The following LRRC4C variants were observed in gnomAD, a reference collection of about 807,000 sequenced individuals.
LRRC4C encodes the protein leucine-rich repeat-containing protein 4C.
LRRC4C carries 5 observed loss-of-function variants against 33.6 expected under a neutral mutation model. The ratio of observed to expected loss-of-function variants is 0.15; its 90% CI spans 0.08 to 0.31. LRRC4C has a LOEUF of 0.31. Among genes scored for constraint, LRRC4C ranks in the 10% least tolerant of loss-of-function variants. The probability of loss-of-function intolerance (pLI) is 1.00; values close to 1 mark genes in which losing one functional copy is unlikely to be tolerated. For synonymous variants in LRRC4C, 329 were observed against 302.0 expected (o/e 1.09, Z -0.93); for missense variants, 560 against 796.7 (o/e 0.70, Z 3.58).
intron 1 of LRRC4C, among the ~76,000 whole-genome samples, chr11:41,118,512 C>G (rs879278402): frequency 6.6e-6 from 1 of 152,204 alleles, no homozygotes; most frequent in African/African-American, 2.4e-5. Flanking sequence ...TGGTCACTGT[C>G]CATTCCTTTC....
intron 1 of LRRC4C, among the ~76,000 whole-genome samples, chr11:41,319,570 T>A (rs1411065850): frequency 1.3e-5 from 2 of 152,222 alleles, no homozygotes; most frequent in Non-Finnish European, 2.9e-5. Context: ...TGAGACAAGA[T>A]CTCACTCTGT....
At chr11:40,747,438 G>A (rs1565008132) in intron 2 of LRRC4C, among the ~76,000 whole-genome samples, 1 of 151,712 alleles carries the variant, frequency 6.6e-6, no homozygotes, top group African/African-American at 2.4e-5. Flanking sequence ...TTAAAAGATA[G>A]AAAAAAGCAA....
At chr11:40,801,219 T>C (rs531755676) in intron 2 of LRRC4C, among the ~76,000 whole-genome samples, 8 of 152,308 alleles carry the variant, frequency 5.3e-5, no homozygotes, top group African/African-American at 1.9e-4. Context: ...TGAGTCACTA[T>C]AAGCAATTTA....
intron 1 of LRRC4C, among the ~76,000 whole-genome samples, chr11:41,437,832 G>A (rs1283728112): frequency 6.6e-6 from 1 of 152,172 alleles, no homozygotes; most frequent in Non-Finnish European, 1.5e-5. Context: ...GAGGTCAGGA[G>A]TTTGAGACCA....
At chr11:40,703,345 C>T (rs1486143120) in intron 2 of LRRC4C, among the ~76,000 whole-genome samples, 2 of 152,104 alleles carry the variant, frequency 1.3e-5, no homozygotes. Context: ...ATTTTTCCAT[C>T]TACATAAAAA....
chr11:40,352,456 AATTTT>A (rs1047535539), intron 3 of LRRC4C, among the ~76,000 whole-genome samples: 2 of 151,630 alleles, frequency 1.3e-5, no homozygotes, highest in African/African-American at 4.8e-5. Flanking sequence ...CTTCTTTTTA[AATTTT>A]ATTTTATTAT....
chr11:41,086,386 C>T (rs994477206), intron 1 of LRRC4C, among the ~76,000 whole-genome samples: 5 of 152,032 alleles, frequency 3.3e-5, no homozygotes, highest in East Asian at 1.9e-4. Flanking sequence ...TTAATAAAAG[C>T]ACTTGTGCAA....
chr11:41,158,163 G>C (rs1944314994), intron 1 of LRRC4C, among the ~76,000 whole-genome samples: 1 of 151,936 alleles, frequency 6.6e-6, no homozygotes, highest in African/African-American at 2.4e-5. Flanking sequence ...CCATTTTATA[G>C]TTGAGAAAAA....
intron 2 of LRRC4C, among the ~76,000 whole-genome samples, chr11:40,808,405 A>C (rs1238083349): frequency 1.3e-5 from 2 of 152,104 alleles, no homozygotes; most frequent in East Asian, 3.8e-4. Context: ...TATACCTATT[A>C]CTCAAGTCAG....
intron 3 of LRRC4C, among the ~76,000 whole-genome samples, chr11:40,507,426 C>CT (rs200238552): frequency 0.019 from 2,905 of 151,922 alleles, 36 homozygotes; most frequent in Non-Finnish European, 0.029. Context: ...CAAATTAAAA[C>CT]TTTTTTTTAA....
At position 40,749,307 on chromosome 11, in the gene LRRC4C, C is replaced by T. The variant is rs1406530254; in HGVS notation, c.-406-101029G>A. ...ACAATGGAATAAAATGAGATTAATA[C>T]CAAGAGGCATTTTGGAAATGATACA... On this transcript the variant is annotated intron_variant, in intron 2 of 6. Coordinates refer to ENST00000528697, the MANE Select transcript of LRRC4C (RefSeq NM_001258419.2). Among the ~76,000 whole-genome samples the T allele has an allele frequency of 2.6e-5, 4 of 151,694 alleles. No homozygotes were observed. In the East Asian group the frequency reaches 7.7e-4, roughly 29 times the overall value.
intron 4 of LRRC4C, among the ~76,000 whole-genome samples, chr11:40,249,037 T>C (rs941616916): frequency 4.6e-5 from 7 of 151,980 alleles, no homozygotes; most frequent in Non-Finnish European, 1.5e-5. Context: ...CAGCAAGCAA[T>C]TATAATCTCT....
intron 5 of LRRC4C, among the ~76,000 whole-genome samples, chr11:40,183,990 AG>A (rs1565102218): frequency 6.6e-6 from 1 of 152,280 alleles, no homozygotes; most frequent in Non-Finnish European, 1.5e-5. Context: ...CTTAGAGTTA[AG>A]AATAGAACTG....
intron 2 of LRRC4C, among the ~76,000 whole-genome samples, chr11:40,767,050 A>G (rs1949508242): frequency 6.6e-6 from 1 of 151,998 alleles, no homozygotes; most frequent in South Asian, 2.1e-4. Flanking sequence ...AAAAAAGAAA[A>G]CAAGAATCTA....
intron 5 of LRRC4C, among the ~76,000 whole-genome samples, chr11:40,234,762 C>T (rs1246990180): frequency 6.6e-6 from 1 of 152,168 alleles, no homozygotes; most frequent in Non-Finnish European, 1.5e-5. Context: ...CAGAGAGAAA[C>T]CCTGTCTTAA....
intron 4 of LRRC4C, among the ~76,000 whole-genome samples, chr11:40,306,213 T>A (rs981117589): frequency 6.6e-6 from 1 of 152,226 alleles, no homozygotes; most frequent in South Asian, 2.1e-4. Flanking sequence ...ATCTTTCCTA[T>A]AAAGATTTAG....
At chr11:40,431,325 G>A (rs1394861199) in intron 3 of LRRC4C, among the ~76,000 whole-genome samples, 1 of 148,458 alleles carries the variant, frequency 6.7e-6, no homozygotes, top group Non-Finnish European at 1.5e-5. Context: ...TACTCAGGAG[G>A]CAGAGGTTGC....
intron 3 of LRRC4C, among the ~76,000 whole-genome samples, chr11:40,608,232 G>C (rs1001966697): frequency 6.6e-6 from 1 of 152,044 alleles, no homozygotes; most frequent in Non-Finnish European, 1.5e-5. Flanking sequence ...GCTGTAATTC[G>C]TGACATTAAT....
At chr11:41,233,967 CTTT>C (rs34427207) in intron 1 of LRRC4C, among the ~76,000 whole-genome samples, 48 of 140,350 alleles carry the variant, frequency 3.4e-4, no homozygotes, top group African/African-American at 1.2e-3. Context: ...TCTCCAAAAG[CTTT>C]TTTTTTTTTT....
Sources: allele counts gnomAD v4.1 joint callset (sites outside exome capture counted in the v4.1 genomes callset), GRCh38; gene constraint gnomAD v4.1.1; transcripts MANE v1.5; gene names NCBI Gene and HGNC (gene_info 2026-07-23, HGNC 2026-07-21).